The following GALNT13 variants were observed in gnomAD, a reference collection of about 807,000 sequenced individuals.
GALNT13 encodes polypeptide N-acetylgalactosaminyltransferase 13, also known as UDP-GalNAc:polypeptide N-acetylgalactosaminyltransferase 13.
Under a neutral mutation model 64.2 loss-of-function variants are expected in GALNT13, and 28 were observed. The observed-to-expected ratio is 0.44, with a 90% confidence interval of 0.32 to 0.60. GALNT13 has a LOEUF of 0.60. GALNT13 is among the 20% of genes least tolerant of loss of function. The pLI is 0.05. For synonymous variants in GALNT13, 214 were observed against 224.6 expected (o/e 0.95, Z 0.42); for missense variants, 577 against 669.8 (o/e 0.86, Z 1.53).
the GALNT13 span, among the ~76,000 whole-genome samples, chr2:153,694,941 C>T: frequency 6.6e-6 from 1 of 152,042 alleles, no homozygotes; most frequent in Non-Finnish European, 1.5e-5. Flanking sequence ...ATATATAGGA[C>T]TCAGCATATA....
At chr2:153,831,690 G>T in the GALNT13 span, among the ~76,000 whole-genome samples, 2 of 152,066 alleles carry the variant, frequency 1.3e-5, no homozygotes, top group African/African-American at 4.8e-5. Flanking sequence ...TGTTAACTGC[G>T]TCCGTTGGTG....
At chr2:154,021,725 C>T (rs1223605077) in intron 3 of GALNT13, among the ~76,000 whole-genome samples, 2 of 151,648 alleles carry the variant, frequency 1.3e-5, no homozygotes, top group African/African-American at 4.9e-5. Flanking sequence ...CTGGCCAGAA[C>T]TTCCAACACT....
At chr2:154,114,220 C>G (rs1703150613) in intron 3 of GALNT13, among the ~76,000 whole-genome samples, 1 of 152,152 alleles carries the variant, frequency 6.6e-6, no homozygotes, top group Middle Eastern at 3.4e-3. Flanking sequence ...TTTGCCTTTC[C>G]CACCATAATA....
chr2:153,225,559 T>A, the GALNT13 span, among the ~76,000 whole-genome samples: 177 of 152,266 alleles, frequency 1.2e-3, 1 homozygote, highest in African/African-American at 4.1e-3. Flanking sequence ...TATTTTCAGA[T>A]GACATGATTG....
At chr2:154,290,275 A>C (rs1390034439) in intron 8 of GALNT13, among the ~76,000 whole-genome samples, 3 of 152,210 alleles carry the variant, frequency 2.0e-5, no homozygotes, top group Non-Finnish European at 4.4e-5. Flanking sequence ...GGGAATGCCT[A>C]CTTTTCCATT....
At chr2:153,349,880 A>G in the GALNT13 span, among the ~76,000 whole-genome samples, 1 of 152,156 alleles carries the variant, frequency 6.6e-6, no homozygotes, top group Admixed American at 6.5e-5. Flanking sequence ...AAAAAGAACT[A>G]AAAATCCCTA....
At chr2:153,254,895 G>C in the GALNT13 span, among the ~76,000 whole-genome samples, 1 of 151,940 alleles carries the variant, frequency 6.6e-6, no homozygotes, top group African/African-American at 2.4e-5. Context: ...CCAAGTATGC[G>C]GTCAATTTTG....
chr2:153,786,003 C>T, the GALNT13 span, among the ~76,000 whole-genome samples: 1 of 151,808 alleles, frequency 6.6e-6, no homozygotes, highest in African/African-American at 2.4e-5. Context: ...CAAGCTTATG[C>T]CAGCAGTGCG....
chr2:154,119,942 T>C (rs1360271339), intron 3 of GALNT13, among the ~76,000 whole-genome samples: 1 of 152,214 alleles, frequency 6.6e-6, no homozygotes, highest in Non-Finnish European at 1.5e-5. Flanking sequence ...TTCTTTTGGA[T>C]TTACTATTGT....
At chr2:153,665,140 AC>A in the GALNT13 span, among the ~76,000 whole-genome samples, 3 of 152,180 alleles carry the variant, frequency 2.0e-5, no homozygotes, top group Non-Finnish European at 4.4e-5. Context: ...TTCAATGGGG[AC>A]TAAGATGCTT....
At chr2:153,908,052 G>A (rs980080552) in intron 2 of GALNT13, among the ~76,000 whole-genome samples, 7 of 151,816 alleles carry the variant, frequency 4.6e-5, no homozygotes, top group Admixed American at 2.0e-4. Context: ...GTTCCCTTTC[G>A]CCACAACCTT....
chr2:153,692,666 A>G, the GALNT13 span, among the ~76,000 whole-genome samples: 2 of 152,208 alleles, frequency 1.3e-5, no homozygotes, highest in Non-Finnish European at 2.9e-5. Context: ...GCTTTCATCT[A>G]GCAGTGCAGT....
At chr2:153,209,603 C>G in the GALNT13 span, among the ~76,000 whole-genome samples, 1 of 152,028 alleles carries the variant, frequency 6.6e-6, no homozygotes, top group East Asian at 1.9e-4. Flanking sequence ...AATTTGAGTC[C>G]TCCAACTTAT....
At chr2:153,964,636 TCTC>T (rs1173521558) in intron 3 of GALNT13, among the ~76,000 whole-genome samples, 1 of 152,066 alleles carries the variant, frequency 6.6e-6, no homozygotes, top group African/African-American at 2.4e-5. Context: ...GACTGAATCT[TCTC>T]TAGATATTTC....
At chr2:153,500,842 A>G in the GALNT13 span, among the ~76,000 whole-genome samples, 33 of 152,370 alleles carry the variant, frequency 2.2e-4, no homozygotes, top group Admixed American at 2.2e-3. Flanking sequence ...ATAATAACAT[A>G]ATAACCCTAG....
At chr2:154,369,854 G>T (rs190765227) in intron 9 of GALNT13, among the ~76,000 whole-genome samples, 2 of 152,112 alleles carry the variant, frequency 1.3e-5, no homozygotes, top group African/African-American at 4.8e-5. Context: ...GCTTCTCGCT[G>T]TGTGCTCACA....
In GALNT13 at chr2:153,930,136, A is replaced by G. The variant is rs143257221; in HGVS notation, c.-104-14258A>G. ...TTCCTTATGTTTGTTGGTCACATGCATGCCTTCTTTTGAGAAGTGTCTGTT... is the reference window on the plus strand; with the variant it reads ...TTCCTTATGTTTGTTGGTCACATGCGTGCCTTCTTTTGAGAAGTGTCTGTT... On this transcript the variant is annotated intron_variant, in intron 2 of 12. Coordinates refer to ENST00000392825, the MANE Select transcript of GALNT13 (RefSeq NM_052917.4). Among the ~76,000 whole-genome samples, 8 of 152,286 alleles carry G rather than the reference A, an allele frequency of 5.3e-5. No homozygotes were observed. In the East Asian group the frequency reaches 1.4e-3, roughly 26 times the overall value.
the GALNT13 span, among the ~76,000 whole-genome samples, chr2:153,248,273 A>G: frequency 6.6e-6 from 1 of 152,202 alleles, no homozygotes; most frequent in Non-Finnish European, 1.5e-5. Flanking sequence ...AGAAAATTTT[A>G]GGCCAACATC....
the GALNT13 span, among the ~76,000 whole-genome samples, chr2:153,399,303 A>T: frequency 2.0e-5 from 3 of 152,222 alleles, no homozygotes; most frequent in Non-Finnish European, 4.4e-5. Flanking sequence ...TGGTGGCAGT[A>T]CCACGCTGTT....
Sources: allele counts gnomAD v4.1 joint callset (sites outside exome capture counted in the v4.1 genomes callset), GRCh38; gene constraint gnomAD v4.1.1; transcripts MANE v1.5; gene names NCBI Gene and HGNC (gene_info 2026-07-23, HGNC 2026-07-21).